The following CPA6 variants were observed in gnomAD, a reference collection of about 807,000 sequenced individuals.
CPA6 encodes carboxypeptidase B.
CPA6 carries 58 observed loss-of-function variants against 63.3 expected under a neutral mutation model. The ratio of observed to expected loss-of-function variants is 0.92; its 90% CI spans 0.74 to 1.14. The LOEUF (loss-of-function observed/expected upper bound fraction) is 1.14, where lower values mean the gene tolerates loss of function less well. Ranked by LOEUF, CPA6 falls within the 50% of genes most tolerant of loss-of-function variation. The pLI is 0.00. For missense variants in CPA6, 565 were observed against 526.6 expected (o/e 1.07, Z -0.71); for synonymous variants, 185 against 179.0 (o/e 1.03, Z -0.27).
At chr8:67,585,042 TA>T (rs2128979348) in intron 2 of CPA6, among the ~76,000 whole-genome samples, 1 of 152,292 alleles carries the variant, frequency 6.6e-6, no homozygotes, top group South Asian at 2.1e-4. Flanking sequence ...GGAAAATAAG[TA>T]AACATTTGGA....
chr8:67,593,603 C>G (rs1473574083), intron 2 of CPA6, among the ~76,000 whole-genome samples: 1 of 152,190 alleles, frequency 6.6e-6, no homozygotes, highest in African/African-American at 2.4e-5. Flanking sequence ...GGATATTTAG[C>G]TCTTCTTGTG....
chr8:67,473,675 G>T (rs1236669027), intron 8 of CPA6, among the ~76,000 whole-genome samples: 1 of 152,104 alleles, frequency 6.6e-6, no homozygotes, highest in East Asian at 1.9e-4. Flanking sequence ...TTTGATCTTG[G>T]CTGACTGCAA....
At chr8:67,543,774 CTATTAT>C (rs56764745) in intron 2 of CPA6, among the ~76,000 whole-genome samples, 137 of 146,850 alleles carry the variant, frequency 9.3e-4, no homozygotes, top group African/African-American at 3.3e-3. Flanking sequence ...TCCCCCTCCA[CTATTAT>C]TATTATTATT....
chr8:67,602,459 C>T (rs1814520649), intron 2 of CPA6, among the ~76,000 whole-genome samples: 1 of 152,162 alleles, frequency 6.6e-6, no homozygotes, highest in Admixed American at 6.5e-5. Context: ...TTTATAAGTC[C>T]ATTTGAGCCC....
intron 8 of CPA6, among the ~76,000 whole-genome samples, chr8:67,441,097 C>T (rs547309170): frequency 6.6e-6 from 1 of 152,244 alleles, no homozygotes; most frequent in South Asian, 2.1e-4. Flanking sequence ...AAAACTAGAT[C>T]CTGTATAGGA....
intron 2 of CPA6, among the ~76,000 whole-genome samples, chr8:67,519,604 C>T (rs987218345): frequency 6.6e-6 from 1 of 152,204 alleles, no homozygotes; most frequent in Admixed American, 6.5e-5. Flanking sequence ...TACCTGTTTT[C>T]TTTCATGCAG....
At chr8:67,644,266 C>G (rs1236966184) in intron 1 of CPA6, among the ~76,000 whole-genome samples, 2 of 152,140 alleles carry the variant, frequency 1.3e-5, no homozygotes, top group East Asian at 1.9e-4. Flanking sequence ...CTACAGGCGC[C>G]CGCCACCACG....
intron 10 of CPA6, among the ~76,000 whole-genome samples, chr8:67,425,531 T>C (rs1376396695): frequency 1.3e-5 from 2 of 152,094 alleles, no homozygotes; most frequent in African/African-American, 2.4e-5. Flanking sequence ...CACACCGCCA[T>C]GCCCAGCTAA....
At chr8:67,627,356 A>G (rs572010268) in intron 1 of CPA6, among the ~76,000 whole-genome samples, 2 of 152,330 alleles carry the variant, frequency 1.3e-5, no homozygotes, top group East Asian at 1.9e-4. Flanking sequence ...CAGGTAGTCT[A>G]CTGGAACTTA....
chr8:67,471,042 C>A (rs761628331), intron 8 of CPA6, among the ~76,000 whole-genome samples: 5 of 152,150 alleles, frequency 3.3e-5, no homozygotes, highest in African/African-American at 1.2e-4. Flanking sequence ...GTCCTTCCTT[C>A]GACACAGAAC....
intron 2 of CPA6, among the ~76,000 whole-genome samples, chr8:67,593,202 A>G (rs1392405590): frequency 6.7e-6 from 1 of 150,152 alleles, no homozygotes; most frequent in African/African-American, 2.5e-5. Context: ...GTTTTGAGTG[A>G]GTTTCTTAAT....
At chr8:67,538,382 A>C (rs982669385) in intron 2 of CPA6, among the ~76,000 whole-genome samples, 3 of 152,114 alleles carry the variant, frequency 2.0e-5, no homozygotes, top group East Asian at 1.9e-4. Context: ...TATTGGGTGC[A>C]TATATATTTA....
At chr8:67,659,843 G>A (rs1816069646) in intron 1 of CPA6, among the ~76,000 whole-genome samples, 1 of 152,122 alleles carries the variant, frequency 6.6e-6, no homozygotes, top group Admixed American at 6.6e-5. Context: ...AAGATGCAAA[G>A]CACATTTTAT....
chr8:67,713,099 G>GTGTATGTATATATATA (rs1328463977), intron 1 of CPA6, among the ~76,000 whole-genome samples: 1 of 55,026 alleles, frequency 1.8e-5, no homozygotes, highest in African/African-American at 7.4e-5. Context: ...GTGTGTGTGT[G>GTGTATGTATATATATA]TATATATATA....
At chr8:67,727,591 A>G (rs1439608802) in intron 1 of CPA6, among the ~76,000 whole-genome samples, 2 of 152,210 alleles carry the variant, frequency 1.3e-5, no homozygotes, top group Non-Finnish European at 2.9e-5. Context: ...GAGAAAAGGA[A>G]AGACTAAAAG....
At chr8:67,611,990 T>C (rs1814818624) in intron 2 of CPA6, among the ~76,000 whole-genome samples, 1 of 152,252 alleles carries the variant, frequency 6.6e-6, no homozygotes, top group Admixed American at 6.5e-5. Context: ...TCTTATGTCT[T>C]TTAGTAATTA....
At chr8:67,569,772 G>A (rs941234588) in intron 2 of CPA6, 11 of 203,310 alleles carry the variant, frequency 5.4e-5, no homozygotes, top group Admixed American at 2.9e-4. Context: ...TTCAAATACC[G>A]ACATGGTTTT....
chr8:67,480,864 A>T (rs1284665270), intron 8 of CPA6, among the ~76,000 whole-genome samples: 2 of 152,172 alleles, frequency 1.3e-5, no homozygotes, highest in African/African-American at 2.4e-5. Context: ...GTCTTAGTAG[A>T]TGTGAAGTGG....
intron 8 of CPA6, among the ~76,000 whole-genome samples, chr8:67,461,064 TA>T (rs1262231218): frequency 6.7e-6 from 1 of 149,020 alleles, no homozygotes; most frequent in Non-Finnish European, 1.5e-5. Flanking sequence ...TTTTTTTTTT[TA>T]ATTTTAATTT....
Sources: gnomAD v4.1 joint callset for allele counts (sites outside exome capture counted in the v4.1 genomes callset) on GRCh38, gnomAD v4.1.1 for gene constraint, MANE v1.5 for transcripts, NCBI Gene and HGNC (gene_info 2026-07-23, HGNC 2026-07-21) for gene names.